NR5A2: variants seen among roughly 807,000 people sequenced by gnomAD.
NR5A2 encodes nuclear receptor subfamily 5 group A member 2.
Under a neutral mutation model 62.7 loss-of-function variants are expected in NR5A2, and 26 were observed. The observed-to-expected ratio is 0.41, with a 90% CI of 0.30 to 0.58. The LOEUF (loss-of-function observed/expected upper bound fraction) is 0.58, where lower values mean the gene tolerates loss of function less well. NR5A2 is among the 20% of genes least tolerant of loss of function. The pLI is 0.22. For synonymous variants in NR5A2, 246 were observed against 241.7 expected (o/e 1.02, Z -0.16); for missense variants, 541 against 669.1 (o/e 0.81, Z 2.11).
chr1:200,094,737 C>T (rs990850357), intron 5 of NR5A2, among the ~76,000 whole-genome samples: 5 of 151,444 alleles, frequency 3.3e-5, no homozygotes, highest in East Asian at 2.0e-4. Context: ...TTTCGCTGTG[C>T]TAGCCAGGAT....
chr1:200,058,984 C>T (rs544425229), intron 5 of NR5A2, among the ~76,000 whole-genome samples: 1 of 151,766 alleles, frequency 6.6e-6, no homozygotes, highest in African/African-American at 2.4e-5. Context: ...GTGGCACTTG[C>T]CTATAATCCC....
chr1:200,174,001 G>T lies in NR5A2; in HGVS notation c.1417G>T (p.Val473Phe). 6.4e-7 allele frequency: 1 copy of T among 1,565,042 alleles called. No homozygotes were observed. Among genetic ancestry groups the T allele is most frequent in the South Asian group, 1.2e-5 (1 of 84,862 alleles). Residue 473 changes from valine (V) to phenylalanine (F), a missense_variant, in exon 8 of 8, where the codon GTC becomes TTC. Around this residue, in one of 3 missense-constraint regions of NR5A2, gnomAD observed 379 missense variants for 442.0 expected, o/e 0.86. Transcript: ENST00000367362. ...TGAAAACTTCCAGCTGGTAGAAGGT[G>T]TCCAGGAACAAGTCAATGCCGCCCT... ...NLENFQLVEG[V>F]QEQVNAALLD...
In NR5A2 at chr1:200,048,337, C is replaced by T. The variant is rs1280566946; in HGVS notation, c.629C>T (p.Ser210Phe). The change falls in exon 5 of 8, where the codon TCC becomes TTC. Residue 210 changes from serine (S) to phenylalanine (F), a missense_variant. By Grantham distance (155) the Ser-to-Phe change is radical (BLOSUM62 -2). Coordinates refer to ENST00000367362, the MANE Select transcript of NR5A2 (RefSeq NM_205860.3). This position sits in a 1 kb window ranked among gnomAD's most constrained non-coding sequence, Gnocchi z 4.8. The part of the protein sequence containing the change: ...IQAMPSDLTI[S>F]SAIQNIHSAS... ...GCTATGCCCTCTGACCTGACCATTT[C>T]CTCTGCAATTCAAAACATCCACTCT... 2 of 1,614,168 alleles carry T rather than the reference C, an allele frequency of 1.2e-6. No homozygotes were observed. The highest frequency in any genetic ancestry group is 1.7e-6 in the Non-Finnish European group (2 of 1,180,042).
In NR5A2 at chr1:200,062,171, A is replaced by G. The variant is rs535188404; in HGVS notation, c.1110+13353A>G. Among the ~76,000 whole-genome samples, 7 of 152,162 alleles carry G rather than the reference A, an allele frequency of 4.6e-5. No homozygotes were observed. The South Asian group carries it at 1.2e-3, about 27-fold the overall frequency. On this transcript the variant is annotated intron_variant, in intron 5 of 7. Transcript: ENST00000367362. ...AGGCACACTCATATTCATTTGCTAA[A>G]AACAATTATCTGCATGCACAAGTTC...
chr1:200,080,654 T>C (rs1274077959), intron 5 of NR5A2, among the ~76,000 whole-genome samples: 2 of 152,262 alleles, frequency 1.3e-5, no homozygotes, highest in Non-Finnish European at 2.9e-5. Flanking sequence ...ATCCTATTTG[T>C]GGACATTTTA....
Position 200,087,902 on chromosome 1 carries a change from C to T in NR5A2, c.1111-23300C>T, listed in dbSNP as rs1449833334. ...GAGTAGCTGGGACTACAGGCACCCACCATCATGCTCAGCTAATTTTTATAT... is the reference window on the plus strand; with the variant it reads ...GAGTAGCTGGGACTACAGGCACCCATCATCATGCTCAGCTAATTTTTATAT... On this transcript the variant is annotated intron_variant, in intron 5 of 7. Coordinates refer to ENST00000367362, the MANE Select transcript of NR5A2 (RefSeq NM_205860.3). Among the ~76,000 whole-genome samples the T allele has an allele frequency of 3.3e-5, 5 of 152,082 alleles. No individual in the cohort carries two copies. In the East Asian group the frequency reaches 5.8e-4, roughly 18 times the overall value.
chr1:200,171,071 A>G (rs1654154009), intron 7 of NR5A2, among the ~76,000 whole-genome samples: 1 of 152,190 alleles, frequency 6.6e-6, no homozygotes, highest in Non-Finnish European at 1.5e-5. Context: ...CAGACAGTTA[A>G]ATAGACAGAA....
intron 5 of NR5A2, among the ~76,000 whole-genome samples, chr1:200,064,573 C>T (rs760325302): frequency 2.6e-5 from 4 of 152,056 alleles, no homozygotes; most frequent in Non-Finnish European, 5.9e-5. Flanking sequence ...TTTATACATA[C>T]GGTTCTAATA....
At chr1:200,082,595 A>T in intron 5 of NR5A2, among the ~76,000 whole-genome samples, 1 of 152,326 alleles carries the variant, frequency 6.6e-6, no homozygotes, top group Non-Finnish European at 1.5e-5. Context: ...ACAAATTACA[A>T]ATACTTATTA....
At chr1:200,066,807 C>T (rs1362673177) in intron 5 of NR5A2, among the ~76,000 whole-genome samples, 10 of 152,092 alleles carry the variant, frequency 6.6e-5, no homozygotes, top group African/African-American at 9.7e-5. Context: ...AGGGTGATCT[C>T]GAACTTCTGA....
intron 5 of NR5A2, among the ~76,000 whole-genome samples, chr1:200,097,205 A>T (rs1016209856): frequency 1.3e-5 from 2 of 152,244 alleles, no homozygotes; most frequent in Non-Finnish European, 2.9e-5. Flanking sequence ...CAACACTTAA[A>T]TTGGGTATTA....
At chr1:200,111,569 A>C (rs1665959422) in intron 6 of NR5A2, among the ~76,000 whole-genome samples, 1 of 152,204 alleles carries the variant, frequency 6.6e-6, no homozygotes, top group Non-Finnish European at 1.5e-5. Context: ...TCCTGCTTAC[A>C]AGGGTCCGAA....
At chr1:200,043,207 T>C (rs1662200448) in intron 2 of NR5A2, among the ~76,000 whole-genome samples, 2 of 152,246 alleles carry the variant, frequency 1.3e-5, no homozygotes, top group South Asian at 2.1e-4. Flanking sequence ...ATCTAACAGA[T>C]CTGAAAGTTG....
In NR5A2 at chr1:200,111,187, CTA is replaced by C; in HGVS notation, c.1111-13_1111-12del. On this transcript the variant is annotated splice_polypyrimidine_tract_variant and intron_variant, in intron 5 of 7. Transcript: ENST00000367362. Reference sequence around the variant, plus strand: ...TTTTGTTTTTTTTGTTTGTTTGTTTCTATTTCTTTTGCAGGTTGATGACCAAA... The same window carrying C: ...TTTTGTTTTTTTTGTTTGTTTGTTTCTTTCTTTTGCAGGTTGATGACCAAA... The C allele has an allele frequency of 6.3e-7, 1 of 1,599,480 alleles. No individual in the cohort carries two copies. The highest frequency in any genetic ancestry group is 8.5e-7 in the Non-Finnish European group (1 of 1,175,824).
At chr1:200,080,204 T>C (rs1381163343) in intron 5 of NR5A2, among the ~76,000 whole-genome samples, 1 of 152,182 alleles carries the variant, frequency 6.6e-6, no homozygotes, top group Non-Finnish European at 1.5e-5. Flanking sequence ...ATATGTCTAA[T>C]GGCTCAAATG....
intron 5 of NR5A2, among the ~76,000 whole-genome samples, chr1:200,078,556 AAATT>A (rs1164339066): frequency 6.6e-6 from 1 of 152,124 alleles, no homozygotes; most frequent in Non-Finnish European, 1.5e-5. Flanking sequence ...TACAAACTAG[AAATT>A]AATTCTTTCA....
rs553955218 is a variant in NR5A2 at position 200,089,498 on chromosome 1, TCA to T, written c.1111-21700_1111-21699del. On this transcript the variant is annotated intron_variant, in intron 5 of 7. Transcript: ENST00000367362. Reference sequence around the variant, plus strand: ...TTTCTTTCTTTCTTTTGAGAAGGAATCACACTCTGTCGCCCAGGATGGAGTGC... The same window carrying T: ...TTTCTTTCTTTCTTTTGAGAAGGAATCACTCTGTCGCCCAGGATGGAGTGC... Among the ~76,000 whole-genome samples the T allele has an allele frequency of 5.5e-4, 84 of 152,020 alleles. 1 individual carries two copies. The highest frequency in any genetic ancestry group is 1.9e-3 in the African/African-American group (78 of 41,430).
At chr1:200,114,579 CCAGTGGCAACTATGATGTT>C (rs1666130881) in intron 6 of NR5A2, among the ~76,000 whole-genome samples, 1 of 152,118 alleles carries the variant, frequency 6.6e-6, no homozygotes, top group East Asian at 1.9e-4. Context: ...CCTCACCTGT[CCAGTGGCAACTATGATGTT>C]ATCTACCAGA....
chr1:200,050,312 G>A (rs1016088608), intron 5 of NR5A2, among the ~76,000 whole-genome samples: 2 of 152,090 alleles, frequency 1.3e-5, no homozygotes, highest in East Asian at 1.9e-4. Flanking sequence ...AGATACTGTC[G>A]AAAGGTTAGG....
Sources: gnomAD v4.1 joint callset for allele counts (sites outside exome capture counted in the v4.1 genomes callset) on GRCh38, gnomAD v4.1.1 for gene constraint, gnomAD v4.1.1 regional missense constraint, Gnocchi (gnomAD v3.1) non-coding constraint, MANE v1.5 for transcripts, NCBI Gene and HGNC (gene_info 2026-07-23, HGNC 2026-07-21) for gene names.